The following EPB41 variants were observed in gnomAD, a reference collection of about 807,000 sequenced individuals.
The protein encoded by EPB41 is erythrocyte membrane protein band 4.1, also known as protein 4.1.
A neutral mutation model predicts 108.0 loss-of-function variants in EPB41; 65 were observed. The ratio of observed to expected loss-of-function variants is 0.60; its 90% CI spans 0.49 to 0.74. The LOEUF (loss-of-function observed/expected upper bound fraction) is 0.74. Among genes scored for constraint, EPB41 ranks in the 30% least tolerant of loss-of-function variants. The pLI is 0.00. For missense variants in EPB41, 875 were observed against 1,037.0 expected (o/e 0.84, Z 2.15); for synonymous variants, 336 against 358.9 (o/e 0.94, Z 0.72).
intron 1 of EPB41, among the ~76,000 whole-genome samples, chr1:28,908,912 C>T (rs1414016468): frequency 6.6e-6 from 1 of 151,406 alleles, no homozygotes; most frequent in Non-Finnish European, 1.5e-5. Context: ...ACTGTAATCC[C>T]AGCACTTTGG....
intron 1 of EPB41, among the ~76,000 whole-genome samples, chr1:28,955,817 A>G (rs1208966849): frequency 6.6e-6 from 1 of 152,174 alleles, no homozygotes; most frequent in African/African-American, 2.4e-5. Context: ...CAGCCTGCAT[A>G]TATACTGTAT....
chr1:28,993,403 A>C lies in EPB41; in HGVS notation c.542A>C (p.Lys181Thr). Residue 181 changes from lysine (K) to threonine (T), a missense_variant, in exon 3 of 21, where the codon AAA becomes ACA. By Grantham distance (78) the Lys-to-Thr change is moderately conservative (BLOSUM62 -1). Coordinates refer to ENST00000343067, the MANE Select transcript of EPB41 (RefSeq NM_001376013.1). Reference protein sequence around the residue: ...KEGEGLEECSKIEVKEESPQS... With the variant: ...KEGEGLEECSTIEVKEESPQS... ...GGAGAAGGACTTGAAGAGTGCTCCA[A>C]AATAGAAGTAAAAGAAGAAAGCCCT... is the stretch of plus-strand genomic sequence containing the variant. 11 of 1,613,964 alleles carry C rather than the reference A, an allele frequency of 6.8e-6. No individual in the cohort carries two copies. Among genetic ancestry groups the C allele is most frequent in the Non-Finnish European group, 9.3e-6 (11 of 1,179,990 alleles).
In EPB41 at chr1:29,106,905, TG is replaced by T. The variant is rs529527796; in HGVS notation, c.2314-2428del. ...GCTTTTATAAATGAGAAAACTAGAC[TG>T]GGTGCAATGGCTCACGCCTGTAATC... On this transcript the variant is annotated intron_variant, in intron 17 of 20. Transcript: ENST00000343067. Among the ~76,000 whole-genome samples, 25 of 144,596 alleles carry T rather than the reference TG, an allele frequency of 1.7e-4. No homozygotes were observed. In the South Asian group the frequency reaches 6.3e-3, roughly 37 times the overall value. The allele number at this position is 144,596 out of a possible 152,430, so 94.9% of individuals were successfully genotyped here. A position where few individuals can be genotyped will look rare whatever the true frequency, so the allele number is the denominator to read the frequency against.
intron 12 of EPB41, among the ~76,000 whole-genome samples, 160 bp from the exon 13 acceptor site, chr1:29,058,429 A>G (rs1645923433): frequency 1.3e-5 from 2 of 152,170 alleles, no homozygotes; most frequent in Non-Finnish European, 2.9e-5. Context: ...TTTGGGAGTA[A>G]TATCCTTCCC....
chr1:28,971,437 G>A (rs150709188), intron 1 of EPB41, among the ~76,000 whole-genome samples: 2 of 151,786 alleles, frequency 1.3e-5, no homozygotes, highest in South Asian at 2.1e-4. Flanking sequence ...ACCTGGCTTC[G>A]GCTTCTCAAA....
At chr1:28,913,614 T>C (rs532456136), upstream of EPB41, among the ~76,000 whole-genome samples, 3 of 152,330 alleles carry the variant, frequency 2.0e-5, no homozygotes, top group African/African-American at 7.2e-5. Flanking sequence ...TCAGATGGCC[T>C]GGCTTCTTAT....
intron 11 of EPB41, 38 bp downstream of exon 11, chr1:29,039,464 T>G (rs750711003): frequency 1.2e-5 from 19 of 1,610,736 alleles, no homozygotes; most frequent in Non-Finnish European, 1.6e-5. Flanking sequence ...GTGATCATAA[T>G]TCATTTGGAA....
chr1:28,962,362 C>T (rs2095243314), intron 1 of EPB41, among the ~76,000 whole-genome samples: 1 of 152,098 alleles, frequency 6.6e-6, no homozygotes, highest in African/African-American at 2.4e-5. Context: ...CCGCTCCCGG[C>T]CATAATTGCT....
chr1:28,943,604 G>A (rs996472397), intron 1 of EPB41, among the ~76,000 whole-genome samples: 2 of 151,918 alleles, frequency 1.3e-5, no homozygotes, highest in African/African-American at 4.8e-5. Context: ...AGCTGATATC[G>A]TGCCACTGCA....
intron 2 of EPB41, among the ~76,000 whole-genome samples, chr1:28,992,117 G>A (rs781774729): frequency 4.6e-5 from 7 of 152,158 alleles, no homozygotes; most frequent in Non-Finnish European, 1.0e-4. Context: ...ACAGTAGAGC[G>A]GGCATAGATA....
At chr1:28,908,910 C>T (rs1400153102) in intron 1 of EPB41, among the ~76,000 whole-genome samples, 1 of 151,632 alleles carries the variant, frequency 6.6e-6, no homozygotes, top group Non-Finnish European at 1.5e-5. Context: ...TGACTGTAAT[C>T]CCAGCACTTT....
At chr1:29,084,502 G>A (rs1369390195) in intron 16 of EPB41, among the ~76,000 whole-genome samples, 3 of 152,184 alleles carry the variant, frequency 2.0e-5, no homozygotes, top group East Asian at 3.9e-4. Context: ...GTAGTGGATT[G>A]GGGATTACAA....
chr1:28,914,867 C>A, intron 1 of EPB41, 99 bp downstream of exon 1: 1 of 151,760 alleles, frequency 6.6e-6, no homozygotes, highest in South Asian at 1.9e-4. Flanking sequence ...GCTGCAGCCT[C>A]TTTGTCTGCA....
chr1:28,927,986 G>T (rs2093546397), intron 1 of EPB41, among the ~76,000 whole-genome samples: 1 of 152,024 alleles, frequency 6.6e-6, no homozygotes, highest in Non-Finnish European at 1.5e-5. Context: ...CAGAGGTGCT[G>T]CTTTCTTTTA....
At chr1:28,951,419 T>C (rs1266416323) in intron 1 of EPB41, among the ~76,000 whole-genome samples, 1 of 150,048 alleles carries the variant, frequency 6.7e-6, no homozygotes, top group Non-Finnish European at 1.5e-5. Context: ...GTTGGAGGAA[T>C]TGGAGCAGGA....
chr1:29,025,126 C>A (rs2096703158), intron 7 of EPB41, among the ~76,000 whole-genome samples: 1 of 152,024 alleles, frequency 6.6e-6, no homozygotes, highest in South Asian at 2.1e-4. Flanking sequence ...ATAATTAACA[C>A]TTTAAATTTA....
chr1:29,039,717 G>T (rs905409536), intron 11 of EPB41, among the ~76,000 whole-genome samples: 19 of 152,106 alleles, frequency 1.2e-4, no homozygotes, highest in African/African-American at 4.3e-4. Flanking sequence ...GGGAGGCTGA[G>T]ACAGGAGAAT....
rs147152338 is a variant in EPB41, at chr1:28,969,012, G to A, written c.-7-18419G>A. Among the ~76,000 whole-genome samples, 494 of 143,614 alleles carry A rather than the reference G, an allele frequency of 3.4e-3. 6 individuals are homozygous for A. The highest frequency in any genetic ancestry group is 0.012 in the African/African-American group (456 of 38,262). 94.2% of individuals were successfully genotyped at this position (143,614 alleles called of 152,430 possible). Reference sequence around the variant, plus strand: ...AAAAAACACAAACTAAATGAACTTCGCTTTCTAGAATTGCCTTATCCTAAC... The same window carrying A: ...AAAAAACACAAACTAAATGAACTTCACTTTCTAGAATTGCCTTATCCTAAC... On this transcript the variant is annotated intron_variant, in intron 1 of 20. Coordinates refer to ENST00000343067, the MANE Select transcript of EPB41 (RefSeq NM_001376013.1).
At chr1:29,065,324 T>C in intron 16 of EPB41, 166 bp downstream of exon 16, 1 of 1,301,348 alleles carries the variant, frequency 7.7e-7, no homozygotes, top group Non-Finnish European at 1.0e-6. Flanking sequence ...TTATTTTTTT[T>C]TAAGTCAGGT....
Sources: allele counts gnomAD v4.1 joint callset (sites outside exome capture counted in the v4.1 genomes callset), GRCh38; gene constraint gnomAD v4.1.1; transcripts MANE v1.5; gene names NCBI Gene and HGNC (gene_info 2026-07-23, HGNC 2026-07-21).